The following SCGB2B2 variants were observed in gnomAD, a reference collection of about 807,000 sequenced individuals.
SCGB2B2 encodes the protein secretoglobin-like protein.
SCGB2B2 carries 11 observed loss-of-function variants against 7.6 expected under a neutral mutation model. That is an observed-to-expected ratio of 1.45 (90% CI 0.91 to 2.40). The LOEUF (loss-of-function observed/expected upper bound fraction) is 2.40, where lower values mean the gene tolerates loss of function less well. Ranked by LOEUF, SCGB2B2 falls within the 30% of genes most tolerant of loss-of-function variation. The probability of loss-of-function intolerance (pLI) is 0.00; values close to 1 mark genes in which losing one functional copy is unlikely to be tolerated. For synonymous variants in SCGB2B2, 50 were observed against 48.6 expected (o/e 1.03, Z -0.12); for missense variants, 104 against 115.4 (o/e 0.90, Z 0.45).
At chr19:34,630,375 G>A (rs1353226948) in intron 1 of SCGB2B2, among the ~76,000 whole-genome samples, 3 of 151,870 alleles carry the variant, frequency 2.0e-5, no homozygotes, top group African/African-American at 7.2e-5. Flanking sequence ...CTGACAAAGG[G>A]CTAATATCCA....
At chr19:34,670,744 A>C (rs1337384616) in intron 1 of SCGB2B2, among the ~76,000 whole-genome samples, 2 of 152,182 alleles carry the variant, frequency 1.3e-5, no homozygotes, top group African/African-American at 4.8e-5. Context: ...ACAAAGTTGA[A>C]TGTGTTATTT....
chr19:34,668,451 T>C (rs1308154461), intron 1 of SCGB2B2, among the ~76,000 whole-genome samples: 1 of 152,158 alleles, frequency 6.6e-6, no homozygotes, highest in Non-Finnish European at 1.5e-5. Flanking sequence ...TGTGGGCTCC[T>C]GTGCAGCCTC....
intron 1 of SCGB2B2, among the ~76,000 whole-genome samples, chr19:34,607,614 G>A (rs1568430527): frequency 6.6e-6 from 1 of 152,176 alleles, no homozygotes; most frequent in African/African-American, 2.4e-5. Flanking sequence ...AAACACTTAC[G>A]ATTTCTTGTC....
At chr19:34,598,785 G>A (rs2065534291) in intron 1 of SCGB2B2, among the ~76,000 whole-genome samples, 1 of 152,248 alleles carries the variant, frequency 6.6e-6, no homozygotes, top group Admixed American at 6.5e-5. Context: ...AAGATGAAGT[G>A]TGACTCTAAT....
At chr19:34,634,839 C>A in intron 1 of SCGB2B2, 1 of 255,726 alleles carries the variant, frequency 3.9e-6, no homozygotes. Context: ...ACATTCGCTG[C>A]ACACATAGGG....
At chr19:34,646,333 A>G (rs1439981155) in intron 1 of SCGB2B2, 1 of 155,476 alleles carries the variant, frequency 6.4e-6, no homozygotes, top group Non-Finnish European at 1.4e-5. Flanking sequence ...GGGAACCACA[A>G]TCACTACATC....
At chr19:34,631,347 ATCGTTAG>A (rs2066528936) in intron 1 of SCGB2B2, among the ~76,000 whole-genome samples, 1 of 142,342 alleles carries the variant, frequency 7.0e-6, no homozygotes, top group Non-Finnish European at 1.5e-5. Context: ...TCATCATTCT[ATCGTTAG>A]TCTTAGTATA....
chr19:34,621,745 CAGGGACAGAG>C (rs541576949), intron 1 of SCGB2B2, among the ~76,000 whole-genome samples: 423 of 152,264 alleles, frequency 2.8e-3, no homozygotes, highest in African/African-American at 9.7e-3. Context: ...CTGGTTTGCA[CAGGGACAGAG>C]AGGCCAAAAG....
chr19:34,671,016 C>T (rs533301812), intron 1 of SCGB2B2, among the ~76,000 whole-genome samples: 5 of 152,244 alleles, frequency 3.3e-5, no homozygotes, highest in South Asian at 2.1e-4. Context: ...CTCCGCCTCC[C>T]GGGTTCAAGC....
In SCGB2B2 at chr19:34,590,674, T is replaced by A. The variant is rs2065277186; in HGVS notation, c.*2881A>T. ...TGAAACATACAAGTAGGGAATATAATTCCTTATACCAACAATACAGAGATC... is the reference window on the plus strand; with the variant it reads ...TGAAACATACAAGTAGGGAATATAAATCCTTATACCAACAATACAGAGATC... On this transcript the variant is annotated 3_prime_UTR_variant, in exon 4 of 4. Transcript: ENST00000601241. Among the ~76,000 whole-genome samples, 1 of 152,196 alleles carries A rather than the reference T, an allele frequency of 6.6e-6. No homozygotes were observed. The highest frequency in any genetic ancestry group is 1.5e-5 in the Non-Finnish European group (1 of 68,040).
intron 1 of SCGB2B2, among the ~76,000 whole-genome samples, chr19:34,618,445 A>G (rs2066150507): frequency 6.6e-6 from 1 of 152,210 alleles, no homozygotes; most frequent in Admixed American, 6.5e-5. Flanking sequence ...TGTTTAACCT[A>G]CAGAGAAATT....
In SCGB2B2 at chr19:34,590,921, A is replaced by C. The variant is rs2065283360; in HGVS notation, c.*2634T>G. Among the ~76,000 whole-genome samples, 1 of 152,156 alleles carries C rather than the reference A, an allele frequency of 6.6e-6. No homozygotes were observed. The highest frequency in any genetic ancestry group is 2.1e-4 in the South Asian group (1 of 4,826). On this transcript the variant is annotated 3_prime_UTR_variant, in exon 4 of 4. Coordinates refer to ENST00000601241, the MANE Select transcript of SCGB2B2 (RefSeq NM_001025591.4). ...TTTATATCAATAACATGTTTGTCCA[A>C]ATTTCTCAGGGCATTTCTAATTCTT...
intron 1 of SCGB2B2, among the ~76,000 whole-genome samples, chr19:34,616,038 A>G (rs1010893817): frequency 6.6e-6 from 1 of 151,258 alleles, no homozygotes; most frequent in Non-Finnish European, 1.5e-5. Flanking sequence ...TTATGGCTGC[A>G]TAGTATTCCA....
intron 1 of SCGB2B2, among the ~76,000 whole-genome samples, chr19:34,618,318 C>T (rs797015744): frequency 6.6e-6 from 1 of 152,302 alleles, no homozygotes. Context: ...TTTTTATAAA[C>T]CTTTTACAAC....
intron 1 of SCGB2B2, among the ~76,000 whole-genome samples, chr19:34,613,037 T>C (rs1301301094): frequency 6.6e-6 from 1 of 152,216 alleles, no homozygotes; most frequent in African/African-American, 2.4e-5. Context: ...ATAAGCATAC[T>C]GACTCCTGAT....
intron 1 of SCGB2B2, among the ~76,000 whole-genome samples, chr19:34,652,238 C>T (rs1167110937): frequency 6.6e-6 from 1 of 150,846 alleles, no homozygotes; most frequent in Non-Finnish European, 1.5e-5. Context: ...GTGAAGAACC[C>T]AAAAGCACAG....
At chr19:34,647,804 C>A (rs1202537174) in intron 1 of SCGB2B2, among the ~76,000 whole-genome samples, 2 of 152,186 alleles carry the variant, frequency 1.3e-5, no homozygotes, top group Non-Finnish European at 2.9e-5. Flanking sequence ...CAAGGACCAC[C>A]CAACAGGGAA....
chr19:34,621,445 AT>A (rs777464407), intron 1 of SCGB2B2, among the ~76,000 whole-genome samples: 381 of 144,056 alleles, frequency 2.6e-3, no homozygotes, highest in Non-Finnish European at 3.0e-3. Flanking sequence ...AATCCTTGGC[AT>A]TTTTTTTTTT....
downstream of SCGB2B2, among the ~76,000 whole-genome samples, chr19:34,590,555 G>A (rs1394975172): frequency 6.6e-6 from 1 of 152,222 alleles, no homozygotes; most frequent in East Asian, 1.9e-4. Flanking sequence ...TCTTGTTGAA[G>A]AGGATGTGGA....
Sources: allele counts gnomAD v4.1 joint callset (sites outside exome capture counted in the v4.1 genomes callset), GRCh38; gene constraint gnomAD v4.1.1; transcripts MANE v1.5; gene names NCBI Gene and HGNC (gene_info 2026-07-23, HGNC 2026-07-21).